Variants in BCOR observed in about 807,000 individuals in gnomAD.
BCOR encodes BCL6 corepressor.
In BCOR, 10 loss-of-function variants were observed where a neutral mutation model predicts 86.7. The ratio of observed to expected loss-of-function variants is 0.12; its 90% confidence interval spans 0.07 to 0.20. BCOR has a LOEUF of 0.20. Ranked by LOEUF, BCOR falls within the 10% of genes least tolerant of loss-of-function variation. The pLI is 1.00. For missense variants in BCOR, 1,259 were observed against 1,452.1 expected (o/e 0.87, Z 2.16); for synonymous variants, 611 against 609.0 (o/e 1.00, Z -0.05).
chrX:40,158,316 G>A (rs1938340721), intron 1 of BCOR, among the ~76,000 whole-genome samples: 1 of 112,115 alleles, frequency 8.9e-6, no homozygotes, highest in South Asian at 3.6e-4. Context: ...GACGCGGGCG[G>A]CTGCGCACCG....
chrX:40,059,831 G>A (rs1205517383), intron 10 of BCOR, among the ~76,000 whole-genome samples: 1 of 112,531 alleles, frequency 8.9e-6, no homozygotes, highest in Non-Finnish European at 1.9e-5. Flanking sequence ...TGATTTATTC[G>A]ATTCATAGAA....
intron 1 of BCOR, among the ~76,000 whole-genome samples, chrX:40,087,289 G>A (rs1226146379): frequency 8.9e-6 from 1 of 112,948 alleles, no homozygotes; most frequent in African/African-American, 3.2e-5. Context: ...TCTCCTTTAT[G>A]ATTTTTGGTT....
intron 1 of BCOR, among the ~76,000 whole-genome samples, chrX:40,110,660 CCTTT>C (rs1937287042): frequency 6.5e-5 from 2 of 30,966 alleles, no homozygotes; most frequent in Non-Finnish European, 1.6e-4. Flanking sequence ...TTTCTTTTTT[CCTTT>C]TTCTTTTTTT....
chrX:40,151,460 C>G (rs1034491334), intron 1 of BCOR, among the ~76,000 whole-genome samples: 1 of 113,146 alleles, frequency 8.8e-6, no homozygotes, highest in Non-Finnish European at 1.9e-5. Context: ...CCGGGAGGAT[C>G]CTCTGGCTAG....
chrX:40,167,784 A>AC (rs1462231384), intron 1 of BCOR, among the ~76,000 whole-genome samples: 1 of 112,376 alleles, frequency 8.9e-6, no homozygotes, highest in Non-Finnish European at 1.9e-5. Context: ...CTCCTGACCA[A>AC]CCCTCCTCGC....
chrX:40,119,940 T>C (rs1468627197), intron 1 of BCOR, among the ~76,000 whole-genome samples: 2 of 107,738 alleles, frequency 1.9e-5, no homozygotes, highest in African/African-American at 3.4e-5. Context: ...CTGAGCCAAG[T>C]TGGGGGGTTG....
intron 1 of BCOR, among the ~76,000 whole-genome samples, chrX:40,110,661 C>CTTTTTTTTTTTTTTTTTTTTTTTTTTTT (rs1569182584): frequency 4.1e-5 from 1 of 24,672 alleles, no homozygotes; most frequent in Admixed American, 6.3e-4. Flanking sequence ...TTCTTTTTTC[C>CTTTTTTTTTTTTTTTTTTTTTTTTTTTT]TTTTTCTTTT....
chrX:40,058,013 C>T (rs190984887), intron 10 of BCOR, among the ~76,000 whole-genome samples: 1 of 111,580 alleles, frequency 9.0e-6, no homozygotes, highest in Non-Finnish European at 1.9e-5. Context: ...CTTCACTCTC[C>T]GCCCCACTTG....
chrX:40,157,381 A>T (rs1018958027), intron 1 of BCOR, among the ~76,000 whole-genome samples: 3 of 111,890 alleles, frequency 2.7e-5, no homozygotes, highest in African/African-American at 9.7e-5. Flanking sequence ...AACTGGAGCA[A>T]GAGAGAGGTA....
intron 1 of BCOR, among the ~76,000 whole-genome samples, chrX:40,175,847 T>TGCAAGAAGACTGTTCCGC: frequency 8.8e-6 from 1 of 113,043 alleles, no homozygotes; most frequent in South Asian, 3.6e-4. Flanking sequence ...CGGGAAACTT[T>TGCAAGAAGACTGTTCCGC]GCAAGAAGAC....
At chrX:40,143,619 A>C (rs1224340594) in intron 1 of BCOR, among the ~76,000 whole-genome samples, 3 of 112,967 alleles carry the variant, frequency 2.7e-5, no homozygotes, top group Non-Finnish European at 5.6e-5. Context: ...GTAGGAAACA[A>C]AAGCCAAAGA....
intron 6 of BCOR, among the ~76,000 whole-genome samples, chrX:40,065,166 T>C (rs910900364): frequency 1.8e-5 from 2 of 111,687 alleles, no homozygotes; most frequent in Non-Finnish European, 3.8e-5. Context: ...TGGGCAGAAG[T>C]GACCCTCACT....
At chrX:40,150,526 G>A (rs965744005) in intron 1 of BCOR, among the ~76,000 whole-genome samples, 9 of 112,218 alleles carry the variant, frequency 8.0e-5, no homozygotes, top group Admixed American at 2.8e-4. Context: ...GAGGAAAGAG[G>A]TGGAAAATGA....
chrX:40,070,920 AGATGCCAACCGGACCT>A, intron 6 of BCOR, 37 bp downstream of exon 6: 1 of 1,133,305 alleles, frequency 8.8e-7, no homozygotes, highest in East Asian at 3.0e-5. Context: ...TTCTCCAAGC[AGATGCCAACCGGACCT>A]GAGGCCAACA....
intron 11 of BCOR, among the ~76,000 whole-genome samples, 192 bp downstream of exon 11, chrX:40,056,963 T>G (rs1483794871): frequency 8.9e-6 from 1 of 112,359 alleles, no homozygotes; most frequent in African/African-American, 3.2e-5. Context: ...TGATCAAAAT[T>G]GGGAGCTTTA....
In BCOR at chrX:40,053,972, G is replaced by A. The variant is rs750330961; in HGVS notation, c.4890C>T (p.Asp1630=). The part of the protein sequence containing the change: ...PPGPEDQDDD[D]DAYSDVFEFE... ...ATTCAAACACATCGCTATAGGCATC[G>A]TCATCATCATCCTGGTCTTCTGGTC... is the stretch of plus-strand genomic sequence containing the variant. Residue 1630 remains aspartate, a synonymous_variant, in exon 14 of 15, where the codon GAC becomes GAT. Transcript: ENST00000378444. The A allele has an allele frequency of 7.7e-5, 93 of 1,209,196 alleles. 1 individual carries two copies. Among genetic ancestry groups the A allele is most frequent in the South Asian group, 6.5e-4 (37 of 56,741 alleles).
At chrX:40,158,242 C>T (rs1260202108) in intron 1 of BCOR, among the ~76,000 whole-genome samples, 1 of 112,542 alleles carries the variant, frequency 8.9e-6, no homozygotes, top group African/African-American at 3.2e-5. Flanking sequence ...AAAGGAGGAG[C>T]GGCTTCGCGC....
At chrX:40,150,898 A>C (rs1938153063) in intron 1 of BCOR, among the ~76,000 whole-genome samples, 1 of 112,470 alleles carries the variant, frequency 8.9e-6, no homozygotes, top group Non-Finnish European at 1.9e-5. Flanking sequence ...AAACTGCTTC[A>C]CATCTTCCCA....
At position 40,064,512 on chromosome X, in the gene BCOR, C is replaced by T. The variant is rs1272435660; in HGVS notation, c.3326G>A (p.Arg1109Lys). ...DLPVEKYFVE[R>K]QPVSEPPADQ... The stretch of plus-strand genomic sequence containing the variant: ...TGCGGGAGGCTCGCTCACAGGCTGC[C>T]TCTCCACAAAGTACTTCTCCACAGG... The change falls in exon 7 of 15, where the codon AGG becomes AAG. Residue 1109 changes from arginine (R) to lysine (K), a missense_variant. Transcript: ENST00000378444. 4.1e-6 allele frequency: 5 copies of T among 1,212,269 alleles called. No individual in the cohort carries two copies. Among genetic ancestry groups the T allele is most frequent in the Non-Finnish European group, 5.6e-6 (5 of 895,607 alleles).
Sources: gnomAD v4.1 joint callset for allele counts (sites outside exome capture counted in the v4.1 genomes callset) on GRCh38, gnomAD v4.1.1 for gene constraint, MANE v1.5 for transcripts, NCBI Gene and HGNC (gene_info 2026-07-23, HGNC 2026-07-21) for gene names.